The following DDX20 variants were observed in gnomAD, a reference collection of about 807,000 sequenced individuals.
DDX20 encodes the protein DEAD-box helicase 20.
Under a neutral mutation model 76.4 loss-of-function variants are expected in DDX20, and 61 were observed. The observed-to-expected ratio is 0.80, with a 90% CI of 0.65 to 0.99. The LOEUF (loss-of-function observed/expected upper bound fraction) is 0.99. DDX20 is among the 50% of genes least tolerant of loss of function. The pLI is 0.00. For synonymous variants in DDX20, 357 were observed against 357.4 expected, an observed-to-expected ratio of 1.00 and a Z score of 0.01; for missense variants, 976 against 996.8, an observed-to-expected ratio of 0.98 and a Z score of 0.28.
At chr1:111,764,841 C>T (rs1663746750) in intron 10 of DDX20, among the ~76,000 whole-genome samples, 2 of 151,996 alleles carry the variant, frequency 1.3e-5, no homozygotes, top group Admixed American at 6.6e-5. Context: ...TTTCCTGGGG[C>T]AGAACTAGGA....
Position 111,762,289 on chromosome 1 carries a change from G to T in DDX20, c.1056G>T (p.Met352Ile), listed in dbSNP as rs1226926299. 6.2e-7 allele frequency: 1 copy of T among 1,613,472 alleles called. No individual in the cohort carries two copies. The highest frequency in any genetic ancestry group is 1.1e-5 in the South Asian group (1 of 90,930). Reference protein sequence around the residue: ...NMNQNQRLDAMAKLKHFHCRV... With the variant: ...NMNQNQRLDAIAKLKHFHCRV... ...ATCAGAATCAGCGTCTTGATGCTAT[G>T]GCTAAACTGAAGCACTTTCATTGCA... Residue 352 changes from methionine (M) to isoleucine (I), a missense_variant, in exon 8 of 11, where the codon ATG (methionine) becomes ATT (isoleucine). Around this residue, in one of 3 missense-constraint regions of DDX20, gnomAD observed 630 missense variants for 693.7 expected, o/e 0.91. Transcript: ENST00000369702.
chr1:111,759,184 T>C (rs1321990588), intron 2 of DDX20, among the ~76,000 whole-genome samples: 2 of 152,238 alleles, frequency 1.3e-5, no homozygotes, highest in African/African-American at 4.8e-5. Flanking sequence ...TGCAATTTTA[T>C]ATAACAGACT....
At position 111,766,161 on chromosome 1, in the gene DDX20, TTCC is replaced by T; in HGVS notation, c.1739_1741del (p.Ser580del). 1 of 1,614,228 alleles carries T rather than the reference TTCC, an allele frequency of 6.2e-7. No homozygotes were observed. Among genetic ancestry groups the T allele is most frequent in the Non-Finnish European group, 8.5e-7 (1 of 1,180,024 alleles). On this transcript the variant is annotated inframe_deletion, in exon 11 of 11. Transcript: ENST00000369702. ...CACTCCCCCAGATTCCTTGTCTGTCTTCCTTTAAAATCCATCAGCCATACACGT... is the reference window on the plus strand; with the variant it reads ...CACTCCCCCAGATTCCTTGTCTGTCTTTTAAAATCCATCAGCCATACACGT...
rs1442187546 is a variant in DDX20 at position 111,767,430 on chromosome 1, G to C, written c.*531G>C. The C allele has an allele frequency of 1.3e-5, 2 of 152,280 alleles. No individual in the cohort carries two copies. Among genetic ancestry groups the C allele is most frequent in the African/African-American group, 4.8e-5 (2 of 41,504 alleles). The allele number at this position is 152,280 out of a possible 1,614,324, so 9.4% of individuals were successfully genotyped here. The stretch of plus-strand genomic sequence containing the variant: ...AGATTTTCCTAAAGGTATTTGATTT[G>C]ATCTGTTAGCTTCCAGTAAAAATAT... On this transcript the variant is annotated 3_prime_UTR_variant, in exon 11 of 11. Transcript: ENST00000369702.
Position 111,766,175 on chromosome 1 carries a change from A to G in DDX20, c.1751A>G (p.His584Arg). 3.1e-6 allele frequency: 5 copies of G among 1,614,190 alleles called. No homozygotes were observed. Among genetic ancestry groups the G allele is most frequent in the Non-Finnish European group, 4.2e-6 (5 of 1,180,020 alleles). ...CCTTGTCTGTCTTCCTTTAAAATCC[A>G]TCAGCCATACACGTTGACTTTTGCT... Reference protein sequence around the residue: ...QIPCLSSFKIHQPYTLTFAEL... With the variant: ...QIPCLSSFKIRQPYTLTFAEL... The change falls in exon 11 of 11, where the codon CAT (histidine) becomes CGT (arginine). Residue 584 changes from histidine (H) to arginine (R), a missense_variant. By Grantham distance (29) the His-to-Arg change is conservative (BLOSUM62 0). Transcript: ENST00000369702.
chr1:111,762,474 G>A, intron 8 of DDX20, 137 bp downstream of exon 8: 3 of 852,840 alleles, frequency 3.5e-6, no homozygotes, highest in Non-Finnish European at 5.4e-6. Flanking sequence ...CCAGTGCTGA[G>A]GAAAATACTT....
chr1:111,762,379 A>T, intron 8 of DDX20, 42 bp downstream of exon 8: 1 of 1,446,996 alleles, frequency 6.9e-7, no homozygotes, highest in South Asian at 1.2e-5. Flanking sequence ...CCATCTTGAC[A>T]TATGTTCTAT....
chr1:111,759,415 C>G lies in DDX20; in HGVS notation c.412C>G (p.Pro138Ala). 3.8e-6 allele frequency: 6 copies of G among 1,597,258 alleles called. No individual in the cohort carries two copies. Among genetic ancestry groups the G allele is most frequent in the Non-Finnish European group, 5.1e-6 (6 of 1,174,396 alleles). Residue 138 changes from proline (P) to alanine (A), a missense_variant, in exon 3 of 11, where the codon CCT becomes GCT. This residue lies in a region of DDX20 where 343 missense variants were observed against 286.4 expected (regional missense o/e 1.20). Coordinates refer to ENST00000369702, the MANE Select transcript of DDX20 (RefSeq NM_007204.5). Reference protein sequence around the residue: ...NLSTQILILAPTREIAVQIHS... With the variant: ...NLSTQILILAATREIAVQIHS... ...TTTTTTTTAGATTTTGATCTTGGCT[C>G]CTACAAGAGAAATTGCTGTACAGAT...
Position 111,759,395 on chromosome 1 carries a change from T to G in DDX20, c.397-5T>G, listed in dbSNP as rs765329217. On this transcript the variant is annotated splice_region_variant and splice_polypyrimidine_tract_variant and intron_variant, in intron 2 of 10. Transcript: ENST00000369702. The stretch of plus-strand genomic sequence containing the variant: ...TCAAAGGTGTAATTTATGGTTTTTT[T>G]TTAGATTTTGATCTTGGCTCCTACA... The G allele has an allele frequency of 1.9e-6, 3 of 1,597,486 alleles. No individual in the cohort carries two copies. The highest frequency in any genetic ancestry group is 2.6e-6 in the Non-Finnish European group (3 of 1,173,814).
rs921474659 is a variant in DDX20 at position 111,767,214 on chromosome 1, T to C, written c.*315T>C. On this transcript the variant is annotated 3_prime_UTR_variant, in exon 11 of 11. Coordinates refer to ENST00000369702, the MANE Select transcript of DDX20 (RefSeq NM_007204.5). ...AAAAGAAACATTTAAAAAGATGACA[T>C]ATACCACCACTTACTTAAAAACAAT... 4 of 212,538 alleles carry C rather than the reference T, an allele frequency of 1.9e-5. No homozygotes were observed. Among genetic ancestry groups the C allele is most frequent in the Non-Finnish European group, 2.8e-5 (3 of 105,698 alleles). 13.2% of individuals were successfully genotyped at this position (212,538 alleles called of 1,614,324 possible). A position where few individuals can be genotyped will look rare whatever the true frequency, so the allele number is the denominator to read the frequency against.
At chr1:111,759,973 C>CAAA (rs754870294) in intron 3 of DDX20, among the ~76,000 whole-genome samples, 31 of 57,470 alleles carry the variant, frequency 5.4e-4, no homozygotes, top group Non-Finnish European at 8.4e-4. Context: ...GACTCCATCT[C>CAAA]AAAAAAAAAA....
intron 2 of DDX20, among the ~76,000 whole-genome samples, chr1:111,757,711 C>T (rs1418596213): frequency 6.6e-6 from 1 of 152,210 alleles, no homozygotes; most frequent in African/African-American, 2.4e-5. Flanking sequence ...CTTATGTCTA[C>T]CAAATCCTAG....
At position 111,759,405 on chromosome 1, in the gene DDX20, G is replaced by C; in HGVS notation, c.402G>C (p.Leu134Phe). The C allele has an allele frequency of 6.3e-7, 1 of 1,590,838 alleles. No individual in the cohort carries two copies. Among genetic ancestry groups the C allele is most frequent in the Non-Finnish European group, 8.5e-7 (1 of 1,171,192 alleles). Residue 134 changes from leucine to phenylalanine, a missense_variant, in exon 3 of 11, where the codon TTG becomes TTC. Physicochemically the swap from Leu to Phe is conservative, Grantham distance 22. Transcript: ENST00000369702. ...LVLENLSTQI[L>F]ILAPTREIAV... ...AATTTATGGTTTTTTTTTAGATTTT[G>C]ATCTTGGCTCCTACAAGAGAAATTG...
intron 3 of DDX20, among the ~76,000 whole-genome samples, chr1:111,760,127 A>G (rs1364025705): frequency 2.0e-5 from 3 of 152,168 alleles, no homozygotes; most frequent in Admixed American, 1.3e-4. Context: ...AAATGCAGTG[A>G]CTTTCAGGAG....
chr1:111,756,262 G>T, intron 1 of DDX20, 37 bp downstream of exon 1: 1 of 1,250,792 alleles, frequency 8.0e-7, no homozygotes, highest in African/African-American at 1.6e-5. Context: ...GGGGGGTGGG[G>T]TGGGAGAAGG....
In DDX20 at chr1:111,762,255, G is replaced by A; in HGVS notation, c.1022G>A (p.Gly341Asp). 4 of 1,611,162 alleles carry A rather than the reference G, an allele frequency of 2.5e-6. No individual in the cohort carries two copies. The highest frequency in any genetic ancestry group is 3.4e-6 in the Non-Finnish European group (4 of 1,178,946). Residue 341 changes from glycine (G) to aspartate (D), a missense_variant and splice_region_variant, in exon 8 of 11, where the codon GGC becomes GAC. Around this residue, in one of 3 missense-constraint regions of DDX20, gnomAD observed 630 missense variants for 693.7 expected, o/e 0.91. Coordinates refer to ENST00000369702, the MANE Select transcript of DDX20 (RefSeq NM_007204.5). ...TGACTTTCTTTTGGGGTCCTTTTAG[G>A]CAATATGAATCAGAATCAGCGTCTT... is the stretch of plus-strand genomic sequence containing the variant. ...SKGFPAECIS[G>D]NMNQNQRLDA...
intron 2 of DDX20, among the ~76,000 whole-genome samples, chr1:111,757,707 T>G (rs1663589654): frequency 6.6e-6 from 1 of 152,234 alleles, no homozygotes; most frequent in Admixed American, 6.5e-5. Flanking sequence ...CCATCTTATG[T>G]CTACCAAATC....
chr1:111,766,517 A>C lies in DDX20; in HGVS notation c.2093A>C (p.Gln698Pro), dbSNP rs750831103. ...GTGGATGATCGTATTTCTTTGGAAC[A>C]ACCACCAAATGGAAGTGACACCCCC... Reference protein sequence around the residue: ...TPVDDRISLEQPPNGSDTPNP... With the variant: ...TPVDDRISLEPPPNGSDTPNP... Residue 698 changes from glutamine to proline, a missense_variant, in exon 11 of 11, where the codon CAA becomes CCA. By Grantham distance (76) the Gln-to-Pro change is moderately conservative (BLOSUM62 -1). This residue lies in a region of DDX20 where 630 missense variants were observed against 693.7 expected (regional missense o/e 0.91). Coordinates refer to ENST00000369702, the MANE Select transcript of DDX20 (RefSeq NM_007204.5). 1.4e-5 allele frequency: 23 copies of C among 1,614,070 alleles called. No homozygotes were observed. The African/African-American group carries it at 2.4e-4, about 17-fold the overall frequency.
chr1:111,760,847 A>G lies in DDX20; in HGVS notation c.822A>G (p.Ile274Met). 1 of 1,607,860 alleles carries G rather than the reference A, an allele frequency of 6.2e-7. No homozygotes were observed. The highest frequency in any genetic ancestry group is 8.5e-7 in the Non-Finnish European group (1 of 1,177,720). ...TGAATTCCAGTGATCCAAGTCTCAT[A>G]GGTGTGTACAGCTTTTAGGTACTTA... ...VRLNSSDPSLIGLKQYYKVVN... is the reference protein window; with the variant it reads ...VRLNSSDPSLMGLKQYYKVVN... The change falls in exon 5 of 11, where the codon ATA (isoleucine) becomes ATG (methionine). Residue 274 changes from isoleucine (I) to methionine (M), a missense_variant and splice_region_variant. Coordinates refer to ENST00000369702, the MANE Select transcript of DDX20 (RefSeq NM_007204.5).
Sources: gnomAD v4.1 joint callset for allele counts (sites outside exome capture counted in the v4.1 genomes callset) on GRCh38, gnomAD v4.1.1 for gene constraint, gnomAD v4.1.1 regional missense constraint, MANE v1.5 for transcripts, NCBI Gene and HGNC (gene_info 2026-07-23, HGNC 2026-07-21) for gene names.